The following NOVA1 variants were observed in gnomAD, a reference collection of about 807,000 sequenced individuals.
NOVA1 encodes the protein RNA-binding protein Nova-1.
Under a neutral mutation model 38.0 loss-of-function variants are expected in NOVA1, and 7 were observed. The observed-to-expected ratio is 0.18, with a 90% CI of 0.10 to 0.35. The LOEUF (loss-of-function observed/expected upper bound fraction) is 0.35, where lower values mean the gene tolerates loss of function less well. NOVA1 is among the 10% of genes least tolerant of loss of function. The probability of loss-of-function intolerance (pLI) is 1.00; values close to 1 mark genes in which losing one functional copy is unlikely to be tolerated. For missense variants in NOVA1, 460 were observed against 616.0 expected (o/e 0.75, Z 2.68); for synonymous variants, 270 against 232.5 (o/e 1.16, Z -1.47).
At chr14:26,523,912 A>G (rs1025542063) in intron 2 of NOVA1, among the ~76,000 whole-genome samples, 1 of 151,882 alleles carries the variant, frequency 6.6e-6, no homozygotes, top group Non-Finnish European at 1.5e-5. Flanking sequence ...CACCATGCCC[A>G]GCTAATTTTT....
chr14:26,448,006 T>C lies in NOVA1; in HGVS notation c.1477A>G (p.Thr493Ala). ...GCAGCCCGAACTCCTTGCTCATATG[T>C]GATCCTTTGTGTAATTAAATATTGA... ...AAQYLITQRITYEQGVRAANP... is the reference protein window; with the variant it reads ...AAQYLITQRIAYEQGVRAANP... The change falls in exon 5 of 5, where the codon ACA becomes GCA. Residue 493 changes from threonine (T) to alanine (A), a missense_variant. Thr to Ala is a moderately conservative substitution (Grantham distance 58, BLOSUM62 0). Transcript: ENST00000539517. The surrounding 1 kb of genome is among the most constrained non-coding windows in gnomAD (Gnocchi z 5.3). The C allele has an allele frequency of 6.2e-7, 1 of 1,614,192 alleles. No individual in the cohort carries two copies. Among genetic ancestry groups the C allele is most frequent in the South Asian group, 1.1e-5 (1 of 91,078 alleles).
chr14:26,548,526 G>T (rs1890958878), intron 2 of NOVA1, among the ~76,000 whole-genome samples: 1 of 151,724 alleles, frequency 6.6e-6, no homozygotes. Flanking sequence ...GCAGAAAAGA[G>T]ATAAAATGTC....
intron 2 of NOVA1, among the ~76,000 whole-genome samples, chr14:26,563,327 TAA>T (rs57064982): frequency 7.3e-6 from 1 of 137,426 alleles, no homozygotes; most frequent in African/African-American, 2.7e-5. Flanking sequence ...TATGTCACAT[TAA>T]AAAAAAAAAA....
intron 2 of NOVA1, among the ~76,000 whole-genome samples, chr14:26,575,207 C>T (rs1892766003): frequency 6.6e-6 from 1 of 152,010 alleles, no homozygotes; most frequent in African/African-American, 2.4e-5. Context: ...TAATCTAGCC[C>T]AATGTGATGA....
intron 2 of NOVA1, among the ~76,000 whole-genome samples, chr14:26,489,486 T>C (rs1566471561): frequency 6.6e-6 from 1 of 151,626 alleles, no homozygotes; most frequent in African/African-American, 2.4e-5. Flanking sequence ...TTTAAGCGTA[T>C]ATGTAATCTA....
intron 1 of NOVA1, 65 bp downstream of exon 1, chr14:26,597,236 G>T: frequency 8.5e-7 from 1 of 1,182,174 alleles, no homozygotes; most frequent in Non-Finnish European, 1.1e-6. Context: ...GGAGGACGGC[G>T]AGGGAGGGAG....
chr14:26,563,188 A>AGAAG (rs559368384), intron 2 of NOVA1, among the ~76,000 whole-genome samples: 209 of 152,016 alleles, frequency 1.4e-3, no homozygotes, highest in African/African-American at 4.4e-3. Flanking sequence ...GAAGAAAGAA[A>AGAAG]GAAGGAAGGA....
At chr14:26,587,317 A>AAC (rs1351882692) in intron 2 of NOVA1, among the ~76,000 whole-genome samples, 3 of 150,310 alleles carry the variant, frequency 2.0e-5, no homozygotes, top group Non-Finnish European at 4.5e-5. Context: ...ATAAAAAAAA[A>AAC]AAAAAACAAA....
At chr14:26,577,020 C>T (rs1273510009) in intron 2 of NOVA1, among the ~76,000 whole-genome samples, 1 of 151,918 alleles carries the variant, frequency 6.6e-6, no homozygotes, top group Non-Finnish European at 1.5e-5. Context: ...TTTCCCCTCC[C>T]CACCCTGGTA....
intron 2 of NOVA1, among the ~76,000 whole-genome samples, chr14:26,494,732 CTCTT>C (rs1197506698): frequency 2.0e-5 from 3 of 152,008 alleles, no homozygotes; most frequent in South Asian, 2.1e-4. Flanking sequence ...TTCTCTCTCT[CTCTT>C]TCTCTCTCTA....
intron 4 of NOVA1, among the ~76,000 whole-genome samples, chr14:26,456,076 A>G (rs1298914197): frequency 6.6e-6 from 1 of 152,028 alleles, no homozygotes; most frequent in Non-Finnish European, 1.5e-5. Flanking sequence ...CAGGGCACAT[A>G]TAGTAAGACA....
intron 2 of NOVA1, among the ~76,000 whole-genome samples, chr14:26,562,784 C>T (rs1344624430): frequency 6.6e-6 from 1 of 152,120 alleles, no homozygotes; most frequent in African/African-American, 2.4e-5. Flanking sequence ...AGGTTTACTA[C>T]CCTACTTTAC....
intron 2 of NOVA1, among the ~76,000 whole-genome samples, chr14:26,480,449 A>C (rs1438266045): frequency 6.6e-6 from 1 of 152,082 alleles, no homozygotes; most frequent in Non-Finnish European, 1.5e-5. Flanking sequence ...AAAAGAACTT[A>C]GGGTTAGAAA....
intron 4 of NOVA1, among the ~76,000 whole-genome samples, chr14:26,463,203 T>G (rs1367185075): frequency 6.6e-6 from 1 of 152,160 alleles, no homozygotes; most frequent in Non-Finnish European, 1.5e-5. Flanking sequence ...ATACGTTCTT[T>G]TATTTGTTTC....
At chr14:26,481,348 G>C (rs1012380344) in intron 2 of NOVA1, among the ~76,000 whole-genome samples, 1 of 152,026 alleles carries the variant, frequency 6.6e-6, no homozygotes, top group Non-Finnish European at 1.5e-5. Context: ...GGACAAATTT[G>C]TGAAACTACA....
intron 3 of NOVA1, among the ~76,000 whole-genome samples, chr14:26,473,799 C>T (rs1464340920): frequency 6.6e-6 from 1 of 151,790 alleles, no homozygotes; most frequent in Non-Finnish European, 1.5e-5. Context: ...TGAGTCAAAC[C>T]AAGATTTTTA....
At chr14:26,490,060 T>G (rs2073992471) in intron 2 of NOVA1, among the ~76,000 whole-genome samples, 1 of 152,200 alleles carries the variant, frequency 6.6e-6, no homozygotes, top group Non-Finnish European at 1.5e-5. Context: ...AATCTACTTT[T>G]TGTCTCTATG....
intron 4 of NOVA1, among the ~76,000 whole-genome samples, chr14:26,454,457 T>C (rs1379958049): frequency 6.6e-6 from 1 of 152,170 alleles, no homozygotes; most frequent in Non-Finnish European, 1.5e-5. Flanking sequence ...ATCTTACCAC[T>C]ATTATGAGAA....
At chr14:26,591,516 A>G (rs1384863946) in intron 2 of NOVA1, among the ~76,000 whole-genome samples, 1 of 151,756 alleles carries the variant, frequency 6.6e-6, no homozygotes. Context: ...CTTTGCATCT[A>G]AGATCAAAGT....
Sources: gnomAD v4.1 joint callset for allele counts (sites outside exome capture counted in the v4.1 genomes callset) on GRCh38, gnomAD v4.1.1 for gene constraint, Gnocchi (gnomAD v3.1) non-coding constraint, MANE v1.5 for transcripts, NCBI Gene and HGNC (gene_info 2026-07-23, HGNC 2026-07-21) for gene names.